The following SHROOM4 variants were observed in gnomAD, a reference collection of about 807,000 sequenced individuals.
The protein encoded by SHROOM4 is shroom family member 4, also known as protein Shroom4.
Under a neutral mutation model 80.3 loss-of-function variants are expected in SHROOM4, and 17 were observed. The observed-to-expected ratio is 0.21, with a 90% confidence interval of 0.14 to 0.32. The LOEUF (loss-of-function observed/expected upper bound fraction) is 0.32, where lower values mean the gene tolerates loss of function less well. Ranked by LOEUF, SHROOM4 falls within the 10% of genes least tolerant of loss-of-function variation. The pLI is 1.00. For missense variants in SHROOM4, 993 were observed against 1,140.3 expected, an observed-to-expected ratio of 0.87 and a Z score of 1.86; for synonymous variants, 400 against 437.5, an observed-to-expected ratio of 0.91 and a Z score of 1.07.
intron 1 of SHROOM4, among the ~76,000 whole-genome samples, chrX:50,745,670 A>C (rs1934759012): frequency 9.0e-6 from 1 of 111,029 alleles, no homozygotes; most frequent in Non-Finnish European, 1.9e-5. Context: ...AGTCACTAGC[A>C]GCCTGATCAT....
In SHROOM4 at chrX:50,772,577, T is replaced by C. The variant is rs147902569; in HGVS notation, c.117+41325A>G. Among the ~76,000 whole-genome samples the C allele has an allele frequency of 2.7e-5, 3 of 111,440 alleles. No homozygotes were observed. In the East Asian group the frequency reaches 8.5e-4, roughly 32 times the overall value. ...TGTATCAAAGCCAGTTATTATACTT[T>C]TGATTACTTACGCCAGAAAGACCCC... On this transcript the variant is annotated intron_variant, in intron 1 of 8. Coordinates refer to ENST00000376020, the MANE Select transcript of SHROOM4 (RefSeq NM_020717.5).
intron 1 of SHROOM4, among the ~76,000 whole-genome samples, chrX:50,740,019 C>G (rs1168412834): frequency 7.1e-5 from 4 of 56,062 alleles, no homozygotes; most frequent in African/African-American, 2.8e-4. Context: ...ATGATGAGTT[C>G]ATGTCCTTTG....
chrX:50,668,141 G>T (rs782135607), intron 2 of SHROOM4, among the ~76,000 whole-genome samples: 1 of 112,054 alleles, frequency 8.9e-6, no homozygotes, highest in Non-Finnish European at 1.9e-5. Flanking sequence ...TCCATGCCAG[G>T]TGATAACAAG....
At chrX:50,799,036 T>C (rs1439915110) in intron 1 of SHROOM4, among the ~76,000 whole-genome samples, 2 of 112,166 alleles carry the variant, frequency 1.8e-5, no homozygotes, top group Non-Finnish European at 3.8e-5. Context: ...GCCATGTCCT[T>C]CCTATCTGAG....
intron 1 of SHROOM4, among the ~76,000 whole-genome samples, chrX:50,771,146 C>T (rs1309605017): frequency 9.0e-6 from 1 of 111,229 alleles, no homozygotes; most frequent in East Asian, 2.9e-4. Flanking sequence ...AACTGACCAA[C>T]CACCCCTGTC....
intron 1 of SHROOM4, among the ~76,000 whole-genome samples, chrX:50,771,480 T>A (rs1488797453): frequency 8.9e-6 from 1 of 112,158 alleles, no homozygotes; most frequent in Non-Finnish European, 1.9e-5. Flanking sequence ...TAACCATCCA[T>A]TTGTGTGTAT....
rs1369265636 is a variant in SHROOM4 at position 50,587,100 on chromosome X, T to G, written c.*9595A>C. ...TTCCACCTCCATCCCCCTGTGTGTT[T>G]GACTTTTTTAGCTTCCACATATGAG... is the stretch of plus-strand genomic sequence containing the variant. On this transcript the variant is annotated 3_prime_UTR_variant, in exon 9 of 9. Transcript: ENST00000376020. Among the ~76,000 whole-genome samples the G allele has an allele frequency of 8.9e-6, 1 of 112,100 alleles. No homozygotes were observed. Among genetic ancestry groups the G allele is most frequent in the African/African-American group, 3.2e-5 (1 of 30,864 alleles).
At position 50,590,133 on chromosome X, in the gene SHROOM4, A is replaced by G. The variant is rs1928839004; in HGVS notation, c.*6562T>C. The stretch of plus-strand genomic sequence containing the variant: ...TCACATGCTGAAGCCCTAATCCCCA[A>G]TGTGATGGCATATGGAGGTGGGGCC... On this transcript the variant is annotated 3_prime_UTR_variant, in exon 9 of 9. Coordinates refer to ENST00000376020, the MANE Select transcript of SHROOM4 (RefSeq NM_020717.5). 9.0e-6 allele frequency among the ~76,000 whole-genome samples: 1 copy of G among 111,673 alleles called. No individual in the cohort carries two copies. The highest frequency in any genetic ancestry group is 3.8e-4 in the South Asian group (1 of 2,657).
chrX:50,651,396 ATAAGGCT>A (rs1458964688), intron 2 of SHROOM4, among the ~76,000 whole-genome samples: 9 of 111,342 alleles, frequency 8.1e-5, no homozygotes, highest in Non-Finnish European at 1.7e-4. Flanking sequence ...AATAAATCAC[ATAAGGCT>A]TGAACACAAG....
chrX:50,681,599 G>A (rs781788567), intron 2 of SHROOM4, among the ~76,000 whole-genome samples: 4 of 111,719 alleles, frequency 3.6e-5, no homozygotes, highest in African/African-American at 6.5e-5. Flanking sequence ...CCCTGCCCCT[G>A]CTGCTCCTAC....
chrX:50,658,243 G>A (rs113165570), intron 2 of SHROOM4, among the ~76,000 whole-genome samples: 3,185 of 111,157 alleles, frequency 0.029, 109 homozygotes, highest in African/African-American at 0.099. Context: ...TAGCATAAAC[G>A]AACTAAGACA....
intron 1 of SHROOM4, among the ~76,000 whole-genome samples, chrX:50,763,405 CT>C (rs1247150435): frequency 1.1e-4 from 12 of 110,772 alleles, no homozygotes; most frequent in Non-Finnish European, 2.1e-4. Flanking sequence ...ATATTGCCTG[CT>C]TTTTTTTGTA....
intron 1 of SHROOM4, among the ~76,000 whole-genome samples, chrX:50,786,413 G>C (rs1232164438): frequency 1.8e-5 from 2 of 111,901 alleles, no homozygotes; most frequent in African/African-American, 6.5e-5. Flanking sequence ...TCTCTGGTGA[G>C]GAAAGGAGTT....
intron 1 of SHROOM4, among the ~76,000 whole-genome samples, chrX:50,748,865 A>T (rs1934838706): frequency 8.9e-6 from 1 of 112,474 alleles, no homozygotes; most frequent in Admixed American, 9.4e-5. Flanking sequence ...AAAGACTACA[A>T]ATGTACCTTT....
intron 2 of SHROOM4, among the ~76,000 whole-genome samples, chrX:50,641,334 T>C (rs782801452): frequency 8.9e-6 from 1 of 112,399 alleles, no homozygotes; most frequent in Non-Finnish European, 1.9e-5. Context: ...GCTTAACCCA[T>C]CTGAAATTTA....
At chrX:50,605,490 C>G (rs145357825) in intron 6 of SHROOM4, among the ~76,000 whole-genome samples, 1,720 of 112,433 alleles carry the variant, frequency 0.015, 38 homozygotes, top group African/African-American at 0.054. Flanking sequence ...ATCTCTGGAG[C>G]AAGTTACAAG....
chrX:50,682,209 T>C lies in SHROOM4; in HGVS notation c.269+13577A>G, dbSNP rs148334639. Among the ~76,000 whole-genome samples the C allele has an allele frequency of 7.5e-3, 838 of 112,122 alleles. 11 individuals carry two copies. Among genetic ancestry groups the C allele is most frequent in the African/African-American group, 0.025 (780 of 30,877 alleles). ...CTCAATAAATGCTAGTTCTTATAAA[T>C]AGCATTTGTAACTAGTATCTTTTAA... is the stretch of plus-strand genomic sequence containing the variant. On this transcript the variant is annotated intron_variant, in intron 2 of 8. Transcript: ENST00000376020.
intron 5 of SHROOM4, among the ~76,000 whole-genome samples, chrX:50,609,101 T>A (rs782346787): frequency 1.0e-4 from 11 of 108,277 alleles, no homozygotes; most frequent in African/African-American, 3.7e-4. Flanking sequence ...TGTCTCTAAA[T>A]TTTTTTTTTA....
intron 3 of SHROOM4, 116 bp downstream of exon 3, chrX:50,638,058 G>A: frequency 1.0e-6 from 1 of 958,085 alleles, no homozygotes. Flanking sequence ...ACTCCCACTT[G>A]CTTTTCCATT....
Sources: gnomAD v4.1 joint callset for allele counts (sites outside exome capture counted in the v4.1 genomes callset) on GRCh38, gnomAD v4.1.1 for gene constraint, MANE v1.5 for transcripts, NCBI Gene and HGNC (gene_info 2026-07-23, HGNC 2026-07-21) for gene names.